The following CCN4 variants were observed in gnomAD, a reference collection of about 807,000 sequenced individuals.
CCN4 encodes the protein CCN family member 4.
CCN4 carries 30 observed loss-of-function variants against 36.7 expected under a neutral mutation model. The ratio of observed to expected loss-of-function variants is 0.82; its 90% CI spans 0.61 to 1.11. The LOEUF is 1.11. Ranked by LOEUF, CCN4 falls within the 50% of genes least tolerant of loss-of-function variation. CCN4 has a pLI of 0.00. For missense variants in CCN4, 505 were observed against 504.9 expected, an observed-to-expected ratio of 1.00 and a Z score of 0.00; for synonymous variants, 191 against 195.4, an observed-to-expected ratio of 0.98 and a Z score of 0.19.
At chr8:133,201,714 G>T (rs1319011927) in intron 1 of CCN4, among the ~76,000 whole-genome samples, 1 of 152,036 alleles carries the variant, frequency 6.6e-6, no homozygotes, top group East Asian at 1.9e-4. Context: ...CTGGTGGGAG[G>T]CATCTGTAAT....
At chr8:133,214,017 AGT>A (rs34300389) in intron 2 of CCN4, among the ~76,000 whole-genome samples, 4 of 564 alleles carry the variant, frequency 7.1e-3, no homozygotes, top group Non-Finnish European at 0.018. Context: ...TATATATAGT[AGT>A]TATACATACT....
chr8:133,195,160 GTGTGTATGTGGTGTGTT>G (rs1303517310), intron 1 of CCN4, among the ~76,000 whole-genome samples: 27 of 147,768 alleles, frequency 1.8e-4, no homozygotes, highest in African/African-American at 6.5e-4. Context: ...TGTGTGTTGA[GTGTGTATGTGGTGTGTT>G]TGTGTATGTG....
At chr8:133,195,590 C>T (rs146180430) in intron 1 of CCN4, among the ~76,000 whole-genome samples, 2 of 152,258 alleles carry the variant, frequency 1.3e-5, no homozygotes, top group African/African-American at 4.8e-5. Context: ...CAGGGCCCCT[C>T]CAGCCGACAG....
rs879854700 is a variant in CCN4 at position 133,215,453 on chromosome 8, T to G, written c.349+2310T>G. ...TTCTTCAAGGTCATTAAAAAGATAC[T>G]TCTTTTCACTACCATTGCATTAATC... On this transcript the variant is annotated intron_variant, in intron 2 of 4. Coordinates refer to ENST00000250160, the MANE Select transcript of CCN4 (RefSeq NM_003882.4). Among the ~76,000 whole-genome samples the G allele has an allele frequency of 6.9e-3, 1,045 of 152,352 alleles. 6 individuals are homozygous for G. The highest frequency in any genetic ancestry group is 0.012 in the Non-Finnish European group (838 of 68,028).
chr8:133,206,997 G>A (rs576441156), intron 1 of CCN4, among the ~76,000 whole-genome samples: 2 of 152,334 alleles, frequency 1.3e-5, no homozygotes, highest in South Asian at 2.1e-4. Context: ...AGGAAGGCGG[G>A]GGGGAAACTA....
At chr8:133,210,555 A>G (rs1407819478) in intron 1 of CCN4, among the ~76,000 whole-genome samples, 1 of 151,992 alleles carries the variant, frequency 6.6e-6, no homozygotes. Context: ...TCTGTTCCCT[A>G]CCAGCAAGGC....
intron 1 of CCN4, among the ~76,000 whole-genome samples, chr8:133,198,177 T>C (rs1853457368): frequency 6.6e-6 from 1 of 152,196 alleles, no homozygotes; most frequent in Non-Finnish European, 1.5e-5. Context: ...AGATCCATCA[T>C]TTAACAAGCA....
Position 133,212,899 on chromosome 8 carries a change from C to T in CCN4, c.105C>T (p.Thr35=), listed in dbSNP as rs776861056. The change falls in exon 2 of 5, where the codon ACC becomes ACT. Residue 35 remains threonine, a synonymous_variant. Coordinates refer to ENST00000250160, the MANE Select transcript of CCN4 (RefSeq NM_003882.4). Reference sequence around the variant, plus strand: ...CAGCCCCTACGACCATGGACTTTACCCCAGCTCCACTGGAGGACACCTCCT... The same window carrying T: ...CAGCCCCTACGACCATGGACTTTACTCCAGCTCCACTGGAGGACACCTCCT... The part of the protein sequence containing the change: ...LSPAPTTMDF[T]PAPLEDTSSR... 3.1e-6 allele frequency: 5 copies of T among 1,609,352 alleles called. No homozygotes were observed. The South Asian group carries it at 3.3e-5, about 11-fold the overall frequency.
rs147672339 is a variant in CCN4 at position 133,226,945 on chromosome 8, G to A, written c.805-466G>A. Among the ~76,000 whole-genome samples the A allele has an allele frequency of 3.4e-3, 524 of 152,308 alleles. 2 individuals carry two copies. The highest frequency in any genetic ancestry group is 4.9e-3 in the Non-Finnish European group (330 of 68,030). ...CCTTTAATGTCAACCATTTGAATAC[G>A]TTGAATACTAAAGGTATGTGTGAAA... On this transcript the variant is annotated intron_variant, in intron 4 of 4. Transcript: ENST00000250160.
chr8:133,227,747 T>C lies in CCN4; in HGVS notation c.*37T>C, dbSNP rs1163454612. The C allele has an allele frequency of 5.7e-6, 9 of 1,590,630 alleles. No individual in the cohort carries two copies. Among genetic ancestry groups the C allele is most frequent in the East Asian group, 4.5e-5 (2 of 44,712 alleles). On this transcript the variant is annotated 3_prime_UTR_variant, in exon 5 of 5. Transcript: ENST00000250160. ...TCTTGGGTCTTGGGGACTAACCCAA[T>C]GCCTGTGAAGCAGTCAGCCCTTATG...
chr8:133,227,134 T>C (rs1347551704), intron 4 of CCN4, among the ~76,000 whole-genome samples: 2 of 152,036 alleles, frequency 1.3e-5, no homozygotes, highest in Non-Finnish European at 2.9e-5. Flanking sequence ...TGACTGGCCA[T>C]AGGCAAGACA....
chr8:133,196,142 T>C (rs903365582), intron 1 of CCN4, among the ~76,000 whole-genome samples: 3 of 152,148 alleles, frequency 2.0e-5, no homozygotes, highest in African/African-American at 7.2e-5. Context: ...GTGGCAAGGG[T>C]TCACACTGAG....
intron 1 of CCN4, among the ~76,000 whole-genome samples, chr8:133,194,379 G>A: frequency 8.4e-6 from 1 of 118,358 alleles, no homozygotes; most frequent in African/African-American, 3.3e-5. Flanking sequence ...TGTGTGTGGG[G>A]TGTGTGTGTG....
intron 4 of CCN4, among the ~76,000 whole-genome samples, chr8:133,226,298 G>A (rs1157697602): frequency 6.6e-6 from 1 of 152,098 alleles, no homozygotes; most frequent in African/African-American, 2.4e-5. Flanking sequence ...AATGCTGATG[G>A]TTTCTTAGGG....
intron 2 of CCN4, 36 bp downstream of exon 2, chr8:133,213,179 G>A: frequency 6.4e-7 from 1 of 1,572,468 alleles, no homozygotes; most frequent in African/African-American, 1.3e-5. Context: ...ACCAGCCCCT[G>A]AGCACCCCCA....
chr8:133,191,521 G>A (rs1344000509), intron 1 of CCN4, among the ~76,000 whole-genome samples: 6 of 152,124 alleles, frequency 3.9e-5, no homozygotes, highest in Non-Finnish European at 5.9e-5. Flanking sequence ...TCAGGGGCCC[G>A]GGCTCCAGAC....
At chr8:133,207,074 T>C (rs1185655913) in intron 1 of CCN4, among the ~76,000 whole-genome samples, 1 of 151,884 alleles carries the variant, frequency 6.6e-6, no homozygotes, top group African/African-American at 2.4e-5. Flanking sequence ...CAGACTAGAG[T>C]CCTTCTGCCG....
intron 1 of CCN4, among the ~76,000 whole-genome samples, chr8:133,211,644 G>T (rs966483837): frequency 2.6e-5 from 4 of 152,184 alleles, no homozygotes; most frequent in Non-Finnish European, 5.9e-5. Context: ...TCTGCTTCCA[G>T]ATGGAGGGAG....
At position 133,227,108 on chromosome 8, in the gene CCN4, G is replaced by A. The variant is rs115552008; in HGVS notation, c.805-303G>A. Among the ~76,000 whole-genome samples the A allele has an allele frequency of 2.3e-3, 356 of 152,260 alleles. 1 individual carries two copies. The highest frequency in any genetic ancestry group is 8.2e-3 in the African/African-American group (340 of 41,552). On this transcript the variant is annotated intron_variant, in intron 4 of 4. Coordinates refer to ENST00000250160, the MANE Select transcript of CCN4 (RefSeq NM_003882.4). The stretch of plus-strand genomic sequence containing the variant: ...GGAGCTACATAGGCTCCCCATGTTG[G>A]TGAAACCATGATGAATGACTGGCCA...
Sources: allele counts gnomAD v4.1 joint callset (sites outside exome capture counted in the v4.1 genomes callset), GRCh38; gene constraint gnomAD v4.1.1; transcripts MANE v1.5; gene names NCBI Gene and HGNC (gene_info 2026-07-23, HGNC 2026-07-21).